The following SND1 variants were observed in gnomAD, a reference collection of about 807,000 sequenced individuals.
SND1 encodes the protein staphylococcal nuclease domain-containing protein 1.
SND1 carries 38 observed loss-of-function variants against 121.7 expected under a neutral mutation model. The observed-to-expected ratio is 0.31, with a 90% CI of 0.24 to 0.41. The LOEUF (loss-of-function observed/expected upper bound fraction) is 0.41, where lower values mean the gene tolerates loss of function less well. Among genes scored for constraint, SND1 ranks in the 10% least tolerant of loss-of-function variants. The pLI is 1.00. For missense variants in SND1, 868 were observed against 1,184.6 expected (o/e 0.73, Z 3.92); for synonymous variants, 401 against 447.4 (o/e 0.90, Z 1.31).
chr7:127,667,724 A>G (rs946469952), intron 1 of SND1, among the ~76,000 whole-genome samples: 1 of 152,256 alleles, frequency 6.6e-6, no homozygotes, highest in Non-Finnish European at 1.5e-5. Context: ...TTTGGTAAAC[A>G]ATATTACAGA....
chr7:128,062,082 C>A (rs1394357038), intron 16 of SND1, among the ~76,000 whole-genome samples: 1 of 152,246 alleles, frequency 6.6e-6, no homozygotes, highest in African/African-American at 2.4e-5. Flanking sequence ...AAGGCAGCTC[C>A]TTAGTCGGGT....
At chr7:127,830,212 A>G (rs987371208) in intron 11 of SND1, among the ~76,000 whole-genome samples, 2 of 152,172 alleles carry the variant, frequency 1.3e-5, no homozygotes, top group South Asian at 4.1e-4. Flanking sequence ...GTGAAACCCC[A>G]TCTCTACTAA....
At chr7:128,025,038 C>T (rs1334620250) in intron 16 of SND1, among the ~76,000 whole-genome samples, 2 of 152,282 alleles carry the variant, frequency 1.3e-5, no homozygotes, top group East Asian at 3.9e-4. Flanking sequence ...TAGCTGTCAC[C>T]CTCTGTGGGA....
chr7:128,081,951 G>T, intron 18 of SND1: 1 of 535,192 alleles, frequency 1.9e-6, no homozygotes. Flanking sequence ...TCTCTGCTGG[G>T]GTTTCTCCTT....
chr7:127,735,873 G>A (rs562624834), intron 10 of SND1, among the ~76,000 whole-genome samples: 1 of 151,962 alleles, frequency 6.6e-6, no homozygotes, highest in South Asian at 2.1e-4. Flanking sequence ...GTGATCCCCC[G>A]CCCGCCCCAG....
chr7:127,686,524 T>C, intron 1 of SND1, 89 bp from the exon 2 acceptor site: 1 of 1,381,170 alleles, frequency 7.2e-7, no homozygotes, highest in Non-Finnish European at 9.9e-7. Flanking sequence ...AAATGCTATT[T>C]GAAATGTTGG....
intron 16 of SND1, among the ~76,000 whole-genome samples, chr7:128,022,810 G>A (rs1263652494): frequency 1.3e-5 from 2 of 151,310 alleles, no homozygotes; most frequent in Non-Finnish European, 2.9e-5. Flanking sequence ...TGAAGGCTGG[G>A]TTGCTTCCCC....
chr7:127,910,199 G>A (rs1800425413), intron 14 of SND1, among the ~76,000 whole-genome samples: 1 of 152,160 alleles, frequency 6.6e-6, no homozygotes, highest in Non-Finnish European at 1.5e-5. Context: ...CAGCACTTTG[G>A]GAGGCTGAGG....
chr7:127,766,590 G>A (rs903436733), intron 10 of SND1, among the ~76,000 whole-genome samples: 215 of 151,446 alleles, frequency 1.4e-3, no homozygotes, highest in Middle Eastern at 0.01. Context: ...CCTGGCCAAC[G>A]TGGTGAAACC....
intron 10 of SND1, among the ~76,000 whole-genome samples, chr7:127,775,010 T>C (rs1409528873): frequency 1.3e-5 from 2 of 152,218 alleles, no homozygotes; most frequent in African/African-American, 2.4e-5. Context: ...TTAGATGCGA[T>C]CATGCTGGCT....
chr7:128,061,151 C>T (rs374443481), intron 16 of SND1, among the ~76,000 whole-genome samples: 3 of 152,246 alleles, frequency 2.0e-5, no homozygotes, highest in East Asian at 1.9e-4. Context: ...ACCTTGTTAA[C>T]GGAATTGTAT....
chr7:128,003,782 G>T (rs1802893325), intron 16 of SND1, among the ~76,000 whole-genome samples: 1 of 152,238 alleles, frequency 6.6e-6, no homozygotes, highest in Non-Finnish European at 1.5e-5. Flanking sequence ...AATTGAAGAT[G>T]CCTTGTGGGA....
intron 14 of SND1, among the ~76,000 whole-genome samples, chr7:127,928,970 C>G (rs527385407): frequency 6.6e-6 from 1 of 152,186 alleles, no homozygotes; most frequent in Non-Finnish European, 1.5e-5. Context: ...TCCAAGCACC[C>G]TTTTAACTGA....
chr7:127,942,968 G>C (rs1801248736), intron 15 of SND1, among the ~76,000 whole-genome samples: 1 of 152,152 alleles, frequency 6.6e-6, no homozygotes, highest in African/African-American at 2.4e-5. Flanking sequence ...AGCATTCTGA[G>C]CCTCTTACGT....
chr7:127,773,318 G>A (rs895888479), intron 10 of SND1, among the ~76,000 whole-genome samples: 1 of 151,920 alleles, frequency 6.6e-6, no homozygotes. Flanking sequence ...AAGGTGTGGT[G>A]GCGCACGCCT....
At chr7:128,032,285 C>G (rs1427364228) in intron 16 of SND1, among the ~76,000 whole-genome samples, 3 of 151,190 alleles carry the variant, frequency 2.0e-5, no homozygotes, top group African/African-American at 4.9e-5. Flanking sequence ...TTTCCTCCTT[C>G]CTTCCTCCTC....
In SND1 at chr7:127,683,469, G is replaced by A. The variant is rs57444252; in HGVS notation, c.79-3144G>A. 6.1e-4 allele frequency among the ~76,000 whole-genome samples: 93 copies of A among 152,250 alleles called. 1 individual carries two copies. The highest frequency in any genetic ancestry group is 2.1e-3 in the African/African-American group (87 of 41,546). On this transcript the variant is annotated intron_variant, in intron 1 of 23. Transcript: ENST00000354725. ...TAAGTTCAAGCAGCCCTCTCGCCTC[G>A]TCCTCCCAAAGTGCTGAGATTACAA...
At chr7:128,024,140 C>A (rs1400510827) in intron 16 of SND1, among the ~76,000 whole-genome samples, 1 of 151,734 alleles carries the variant, frequency 6.6e-6, no homozygotes, top group African/African-American at 2.4e-5. Flanking sequence ...TAATTTACTT[C>A]ATTTTAATTT....
intron 12 of SND1, among the ~76,000 whole-genome samples, chr7:127,869,045 T>C (rs544682322): frequency 6.6e-5 from 10 of 152,246 alleles, no homozygotes; most frequent in African/African-American, 1.9e-4. Context: ...TGATGAAAAG[T>C]GCTATAGAGA....
Sources: allele counts gnomAD v4.1 joint callset (sites outside exome capture counted in the v4.1 genomes callset), GRCh38; gene constraint gnomAD v4.1.1; transcripts MANE v1.5; gene names NCBI Gene and HGNC (gene_info 2026-07-23, HGNC 2026-07-21).